SSBP2: variants seen among roughly 807,000 people sequenced by gnomAD.
SSBP2 encodes the protein single-stranded DNA-binding protein 2.
Under a neutral mutation model 61.8 loss-of-function variants are expected in SSBP2, and 17 were observed. That is an observed-to-expected ratio of 0.28 (90% CI 0.19 to 0.41). The LOEUF (loss-of-function observed/expected upper bound fraction) is 0.41. Among genes scored for constraint, SSBP2 ranks in the 10% least tolerant of loss-of-function variants. The pLI is 1.00. For missense variants in SSBP2, 310 were observed against 458.7 expected (o/e 0.68, Z 2.96); for synonymous variants, 139 against 141.3 (o/e 0.98, Z 0.12).
At chr5:81,477,915 G>T (rs1765701848) in intron 6 of SSBP2, among the ~76,000 whole-genome samples, 1 of 151,972 alleles carries the variant, frequency 6.6e-6, no homozygotes, top group African/African-American at 2.4e-5. Flanking sequence ...GAAGTAAGAA[G>T]ATAAAAGATT....
intron 1 of SSBP2, among the ~76,000 whole-genome samples, chr5:81,730,857 C>T (rs887899857): frequency 3.9e-5 from 6 of 152,112 alleles, no homozygotes; most frequent in East Asian, 3.8e-4. Context: ...GAACATTTTA[C>T]CTCCAGAATA....
chr5:81,701,613 G>A (rs1753988124), intron 1 of SSBP2, among the ~76,000 whole-genome samples: 1 of 152,184 alleles, frequency 6.6e-6, no homozygotes, highest in Non-Finnish European at 1.5e-5. Context: ...CACTAAAGAT[G>A]TCTCAAATAA....
intron 1 of SSBP2, among the ~76,000 whole-genome samples, chr5:81,743,038 A>C (rs1757131422): frequency 6.6e-6 from 1 of 152,188 alleles, no homozygotes; most frequent in African/African-American, 2.4e-5. Context: ...GTGTTCAACA[A>C]ATCTTAGTTA....
intron 4 of SSBP2, among the ~76,000 whole-genome samples, chr5:81,546,463 A>G (rs1438324335): frequency 2.0e-5 from 3 of 151,732 alleles, no homozygotes; most frequent in Non-Finnish European, 4.4e-5. Flanking sequence ...TAACTAGACA[A>G]ACAATAACAA....
chr5:81,652,992 G>A (rs1009038603), intron 1 of SSBP2, among the ~76,000 whole-genome samples: 4 of 147,594 alleles, frequency 2.7e-5, no homozygotes, highest in African/African-American at 5.0e-5. Context: ...TGTGCGGAAC[G>A]TGCAAGTTTG....
At chr5:81,730,598 G>T (rs1372404367) in intron 1 of SSBP2, among the ~76,000 whole-genome samples, 1 of 152,186 alleles carries the variant, frequency 6.6e-6, no homozygotes, top group Non-Finnish European at 1.5e-5. Flanking sequence ...CAGCGAAAAA[G>T]GCAGGAGATT....
intron 1 of SSBP2, among the ~76,000 whole-genome samples, chr5:81,651,814 C>A (rs1749752952): frequency 6.6e-6 from 1 of 152,158 alleles, no homozygotes. Flanking sequence ...ATACCCCACA[C>A]CTTGTTCCCT....
chr5:81,643,538 T>C (rs1748978384), intron 2 of SSBP2, among the ~76,000 whole-genome samples: 1 of 151,186 alleles, frequency 6.6e-6, no homozygotes, highest in Non-Finnish European at 1.5e-5. Context: ...CATGAGTATA[T>C]CTATATACTA....
intron 3 of SSBP2, among the ~76,000 whole-genome samples, chr5:81,623,217 A>T (rs1231897486): frequency 1.3e-5 from 2 of 152,222 alleles, no homozygotes; most frequent in African/African-American, 4.8e-5. Context: ...ATTATATGAC[A>T]AACAATATAA....
intron 4 of SSBP2, among the ~76,000 whole-genome samples, chr5:81,541,744 A>G (rs1771289303): frequency 6.6e-6 from 1 of 152,178 alleles, no homozygotes; most frequent in African/African-American, 2.4e-5. Context: ...CTGGGCCCCT[A>G]CCTTTCACCA....
At chr5:81,598,806 A>G (rs970408069) in intron 4 of SSBP2, among the ~76,000 whole-genome samples, 7 of 152,138 alleles carry the variant, frequency 4.6e-5, no homozygotes, top group Non-Finnish European at 1.0e-4. Flanking sequence ...CTTTTGTTCT[A>G]GCCATGTCAA....
At chr5:81,501,066 T>C (rs879899495) in intron 5 of SSBP2, among the ~76,000 whole-genome samples, 15 of 148,454 alleles carry the variant, frequency 1.0e-4, no homozygotes, top group Non-Finnish European at 1.9e-4. Flanking sequence ...ATACAAAAAT[T>C]AGCCGGGTGT....
chr5:81,449,087 G>A (rs541730553), intron 10 of SSBP2, among the ~76,000 whole-genome samples: 31 of 152,240 alleles, frequency 2.0e-4, no homozygotes, highest in Middle Eastern at 3.4e-3. Flanking sequence ...GGTAAGTTGT[G>A]CATATTGCAT....
In SSBP2 at chr5:81,697,398, TAAAC is replaced by T. The variant is rs533823223; in HGVS notation, c.63-47063_63-47060del. On this transcript the variant is annotated intron_variant, in intron 1 of 16. Transcript: ENST00000320672. Reference sequence around the variant, plus strand: ...TAGCTGGTGGTTTATTTCATTCACTTAAACAGACATATTCTTAAGTATGCTTTTA... The same window carrying T: ...TAGCTGGTGGTTTATTTCATTCACTTAGACATATTCTTAAGTATGCTTTTA... 3.9e-5 allele frequency among the ~76,000 whole-genome samples: 6 copies of T among 152,368 alleles called. No individual in the cohort carries two copies. In the South Asian group the frequency reaches 1.2e-3, roughly 32 times the overall value.
chr5:81,740,466 T>A (rs933364846), intron 1 of SSBP2, among the ~76,000 whole-genome samples: 1 of 152,208 alleles, frequency 6.6e-6, no homozygotes, highest in African/African-American at 2.4e-5. Flanking sequence ...AAGAAATTAT[T>A]TCTATTTTTT....
intron 5 of SSBP2, among the ~76,000 whole-genome samples, chr5:81,503,734 T>C (rs1206360427): frequency 6.6e-6 from 1 of 152,284 alleles, no homozygotes; most frequent in East Asian, 1.9e-4. Context: ...TTAACCTAAA[T>C]GCCCATTAAT....
chr5:81,727,503 C>T (rs1182882152), intron 1 of SSBP2, among the ~76,000 whole-genome samples: 2 of 151,946 alleles, frequency 1.3e-5, no homozygotes, highest in Non-Finnish European at 2.9e-5. Flanking sequence ...GAGCTGAGAT[C>T]GCACCATTGC....
intron 1 of SSBP2, among the ~76,000 whole-genome samples, chr5:81,663,027 G>C (rs1170930151): frequency 2.6e-5 from 4 of 152,164 alleles, no homozygotes; most frequent in African/African-American, 9.6e-5. Flanking sequence ...TGAATGTACA[G>C]TCTGGGAAAG....
chr5:81,494,306 T>C (rs575391077), intron 5 of SSBP2, among the ~76,000 whole-genome samples: 1 of 152,216 alleles, frequency 6.6e-6, no homozygotes, highest in Non-Finnish European at 1.5e-5. Context: ...CTGGGTAGCA[T>C]AGTTAGTACT....
Sources: allele counts gnomAD v4.1 joint callset (sites outside exome capture counted in the v4.1 genomes callset), GRCh38; gene constraint gnomAD v4.1.1; transcripts MANE v1.5; gene names NCBI Gene and HGNC (gene_info 2026-07-23, HGNC 2026-07-21).